KCNMA1: variants seen among roughly 807,000 people sequenced by gnomAD.
The protein encoded by KCNMA1 is potassium calcium-activated channel subfamily M alpha 1.
Under a neutral mutation model 140.0 loss-of-function variants are expected in KCNMA1, and 29 were observed. That is an observed-to-expected ratio of 0.21 (90% CI 0.15 to 0.28). The LOEUF is 0.28. Ranked by LOEUF, KCNMA1 falls within the 10% of genes least tolerant of loss-of-function variation. KCNMA1 has a pLI of 1.00. For synonymous variants in KCNMA1, 612 were observed against 611.9 expected (o/e 1.00, Z 0.00); for missense variants, 880 against 1,602.2 (o/e 0.55, Z 7.70).
intron 1 of KCNMA1, among the ~76,000 whole-genome samples, chr10:77,476,435 C>G (rs554530269): frequency 6.6e-6 from 1 of 152,074 alleles, no homozygotes; most frequent in African/African-American, 2.4e-5. Context: ...TTTGCAAGCC[C>G]AGCATTGGTG....
At chr10:77,633,268 T>C (rs2093406363) in intron 1 of KCNMA1, among the ~76,000 whole-genome samples, 1 of 151,790 alleles carries the variant, frequency 6.6e-6, no homozygotes, top group Admixed American at 6.6e-5. Flanking sequence ...TGAGCCAAGA[T>C]CGTGCCGCTG....
intron 15 of KCNMA1, among the ~76,000 whole-genome samples, chr10:77,034,582 C>T (rs1038339194): frequency 6.6e-6 from 1 of 152,154 alleles, no homozygotes; most frequent in Non-Finnish European, 1.5e-5. Context: ...GCACTGAATG[C>T]AGGGAGGTAG....
At chr10:77,435,995 G>A (rs549560133) in intron 1 of KCNMA1, among the ~76,000 whole-genome samples, 2 of 152,296 alleles carry the variant, frequency 1.3e-5, no homozygotes, top group Admixed American at 1.3e-4. Context: ...TGTGCAATAT[G>A]TGTTTCCACC....
intron 2 of KCNMA1, among the ~76,000 whole-genome samples, chr10:77,369,153 G>T (rs1019940403): frequency 1.3e-5 from 2 of 152,180 alleles, no homozygotes; most frequent in Non-Finnish European, 2.9e-5. Context: ...ACCATTACTA[G>T]GATGAGTCTT....
chr10:77,355,481 A>G (rs1413607784), intron 2 of KCNMA1, among the ~76,000 whole-genome samples: 3 of 152,156 alleles, frequency 2.0e-5, no homozygotes, highest in Non-Finnish European at 4.4e-5. Context: ...GTCTTGCTGA[A>G]AGTGCCTGGA....
chr10:77,582,493 T>C (rs929092101), intron 1 of KCNMA1, among the ~76,000 whole-genome samples: 1 of 152,242 alleles, frequency 6.6e-6, no homozygotes, highest in Middle Eastern at 3.2e-3. Flanking sequence ...GACGGGTTGA[T>C]GGGTGCAGCA....
chr10:76,985,012 G>C (rs2080831979), intron 19 of KCNMA1, among the ~76,000 whole-genome samples: 2 of 152,174 alleles, frequency 1.3e-5, no homozygotes, highest in South Asian at 4.1e-4. Flanking sequence ...CCTGCTGGTG[G>C]ACCTGCATGT....
chr10:77,239,284 C>T (rs2056566028), intron 3 of KCNMA1, among the ~76,000 whole-genome samples: 1 of 152,188 alleles, frequency 6.6e-6, no homozygotes, highest in Admixed American at 6.5e-5. Context: ...TTATTTTCAC[C>T]TTCTCTGCAC....
chr10:76,981,365 G>T (rs553951613), intron 19 of KCNMA1, among the ~76,000 whole-genome samples: 1 of 152,104 alleles, frequency 6.6e-6, no homozygotes, highest in South Asian at 2.1e-4. Flanking sequence ...GCCAGAAAAC[G>T]TTTAAACGGA....
At chr10:77,350,934 A>G (rs1045135631) in intron 2 of KCNMA1, among the ~76,000 whole-genome samples, 1 of 152,348 alleles carries the variant, frequency 6.6e-6, no homozygotes, top group East Asian at 1.9e-4. Flanking sequence ...GCAGAGGTCC[A>G]GTGAGCTGGG....
chr10:77,392,210 G>C (rs2095858519), intron 2 of KCNMA1, among the ~76,000 whole-genome samples: 1 of 111,940 alleles, frequency 8.9e-6, no homozygotes, highest in Admixed American at 9.0e-5. Flanking sequence ...CAGTGGGGAG[G>C]AAGGAAGGAA....
At chr10:77,297,354 G>A (rs1258619915) in intron 2 of KCNMA1, among the ~76,000 whole-genome samples, 2 of 152,146 alleles carry the variant, frequency 1.3e-5, no homozygotes, top group Non-Finnish European at 2.9e-5. Flanking sequence ...TCTTCAATAT[G>A]AGATTTTTAA....
intron 4 of KCNMA1, among the ~76,000 whole-genome samples, 175 bp from the exon 5 acceptor site, chr10:77,183,707 G>A (rs1380429978): frequency 1.3e-5 from 2 of 152,040 alleles, no homozygotes; most frequent in Admixed American, 6.6e-5. Context: ...GGCTGGTCTC[G>A]AGCTCCTGAC....
intron 15 of KCNMA1, among the ~76,000 whole-genome samples, chr10:77,034,838 T>C (rs2094205124): frequency 6.6e-6 from 1 of 152,242 alleles, no homozygotes; most frequent in Admixed American, 6.5e-5. Flanking sequence ...TAATCCCCTC[T>C]GAGCTGTAAA....
At chr10:77,328,955 C>T (rs1447632161) in intron 2 of KCNMA1, among the ~76,000 whole-genome samples, 6 of 152,080 alleles carry the variant, frequency 3.9e-5, no homozygotes, top group Admixed American at 3.9e-4. Context: ...ATTCTCCTGC[C>T]TCAGCCTCCC....
intron 3 of KCNMA1, among the ~76,000 whole-genome samples, chr10:77,241,124 T>C (rs1204986903): frequency 6.6e-6 from 1 of 152,114 alleles, no homozygotes; most frequent in Non-Finnish European, 1.5e-5. Flanking sequence ...TTAGACCACA[T>C]TGAAGGGGTT....
intron 2 of KCNMA1, among the ~76,000 whole-genome samples, chr10:77,274,774 C>T (rs557253079): frequency 8.5e-5 from 13 of 152,176 alleles, no homozygotes; most frequent in Non-Finnish European, 1.3e-4. Flanking sequence ...TAATAACTAT[C>T]GATTGTCAGA....
chr10:77,442,334 T>C (rs1208697465), intron 1 of KCNMA1, among the ~76,000 whole-genome samples: 1 of 151,454 alleles, frequency 6.6e-6, no homozygotes, highest in Non-Finnish European at 1.5e-5. Context: ...GCACCCAGGG[T>C]TCCCCTTGCC....
chr10:77,614,157 A>G (rs1375881821), intron 1 of KCNMA1, among the ~76,000 whole-genome samples: 1 of 152,222 alleles, frequency 6.6e-6, no homozygotes, highest in Non-Finnish European at 1.5e-5. Flanking sequence ...ACCCTGAGAG[A>G]GCCAGAAAAC....
Sources: allele counts gnomAD v4.1 joint callset (sites outside exome capture counted in the v4.1 genomes callset), GRCh38; gene constraint gnomAD v4.1.1; transcripts MANE v1.5; gene names NCBI Gene and HGNC (gene_info 2026-07-23, HGNC 2026-07-21).